Variants in RIC1 observed in about 807,000 individuals in gnomAD.
The protein encoded by RIC1 is guanine nucleotide exchange factor subunit RIC1.
A neutral mutation model predicts 169.0 loss-of-function variants in RIC1; 88 were observed. The observed-to-expected ratio is 0.52, with a 90% CI of 0.44 to 0.62. The LOEUF (loss-of-function observed/expected upper bound fraction) is 0.62. Ranked by LOEUF, RIC1 falls within the 20% of genes least tolerant of loss-of-function variation. The probability of loss-of-function intolerance (pLI) is 0.00; values close to 1 mark genes in which losing one functional copy is unlikely to be tolerated. For missense variants in RIC1, 1,877 were observed against 1,725.5 expected (o/e 1.09, Z -1.56); for synonymous variants, 790 against 601.5 (o/e 1.31, Z -4.59).
At chr9:5,698,356 A>C (rs1387801624) in intron 3 of RIC1, among the ~76,000 whole-genome samples, 1 of 152,204 alleles carries the variant, frequency 6.6e-6, no homozygotes, top group Non-Finnish European at 1.5e-5. Flanking sequence ...CTCCCCGCTC[A>C]GTGTCCTGGG....
intron 3 of RIC1, among the ~76,000 whole-genome samples, chr9:5,706,031 A>G (rs1822565234): frequency 1.3e-5 from 2 of 152,042 alleles, no homozygotes; most frequent in South Asian, 2.1e-4. Flanking sequence ...TTAATATGCT[A>G]CTGGATCCAG....
intron 2 of RIC1, among the ~76,000 whole-genome samples, chr9:5,671,099 C>G (rs924450184): frequency 3.3e-5 from 5 of 152,032 alleles, no homozygotes; most frequent in African/African-American, 1.2e-4. Context: ...CTTGTGACCT[C>G]TGGAATAATG....
intron 2 of RIC1, among the ~76,000 whole-genome samples, chr9:5,672,781 G>T (rs1245022348): frequency 6.6e-6 from 1 of 152,144 alleles, no homozygotes; most frequent in African/African-American, 2.4e-5. Context: ...CATATCTAGA[G>T]ATAATGTGCA....
intron 2 of RIC1, among the ~76,000 whole-genome samples, chr9:5,682,062 G>C (rs913382653): frequency 1.3e-5 from 2 of 152,172 alleles, no homozygotes; most frequent in Non-Finnish European, 2.9e-5. Context: ...CTCTGCACCT[G>C]AGATGAGTTT....
chr9:5,657,699 A>G (rs1316389538), intron 2 of RIC1, among the ~76,000 whole-genome samples: 1 of 152,146 alleles, frequency 6.6e-6, no homozygotes, highest in African/African-American at 2.4e-5. Context: ...TGAAATGTTC[A>G]TATGATGAAA....
chr9:5,720,508 G>C, intron 5 of RIC1, 106 bp from the exon 6 acceptor site: 1 of 1,234,862 alleles, frequency 8.1e-7, no homozygotes. Context: ...AGGGTTGTTA[G>C]GTCATTATTT....
intron 1 of RIC1, among the ~76,000 whole-genome samples, chr9:5,653,017 T>C (rs1268649094): frequency 6.6e-6 from 1 of 152,248 alleles, no homozygotes; most frequent in East Asian, 1.9e-4. Flanking sequence ...TTGATTTGTC[T>C]GTGCTGAACC....
intron 1 of RIC1, among the ~76,000 whole-genome samples, chr9:5,644,487 T>C (rs1818405142): frequency 6.6e-6 from 1 of 152,228 alleles, no homozygotes; most frequent in Admixed American, 6.5e-5. Flanking sequence ...AATCATCAGC[T>C]AAAGAATGTG....
chr9:5,654,164 A>G (rs1207856037), intron 1 of RIC1, among the ~76,000 whole-genome samples: 1 of 151,728 alleles, frequency 6.6e-6, no homozygotes, highest in Non-Finnish European at 1.5e-5. Flanking sequence ...ATGCCCAGCT[A>G]ATTTTTGTAT....
intron 1 of RIC1, among the ~76,000 whole-genome samples, chr9:5,655,367 C>G (rs1286038587): frequency 2.6e-5 from 4 of 152,064 alleles, no homozygotes; most frequent in Non-Finnish European, 5.9e-5. Context: ...GTCTCACAAT[C>G]TCAGCTCACT....
intron 23 of RIC1, among the ~76,000 whole-genome samples, chr9:5,770,951 G>A (rs541702249): frequency 6.6e-6 from 1 of 152,242 alleles, no homozygotes; most frequent in Admixed American, 6.5e-5. Flanking sequence ...GTCTGAGTTT[G>A]CAGTTTTTTT....
At position 5,642,795 on chromosome 9, in the gene RIC1, G is replaced by A. The variant is rs999568575; in HGVS notation, c.144+13342G>A. 4.3e-5 allele frequency among the ~76,000 whole-genome samples: 5 copies of A among 115,432 alleles called. 2 individuals are homozygous for A. Among genetic ancestry groups the A allele is most frequent in the African/African-American group, 2.6e-4 (5 of 19,218 alleles). The allele number at this position is 115,432 out of a possible 152,430, so 75.7% of individuals were successfully genotyped here. ...TTTATTTGGAGTTTACTGTGGACTAGGTATTTTACATCATAGTAAGCAAAG... is the reference window on the plus strand; with the variant it reads ...TTTATTTGGAGTTTACTGTGGACTAAGTATTTTACATCATAGTAAGCAAAG... On this transcript the variant is annotated intron_variant, in intron 1 of 25. Coordinates refer to ENST00000414202, the MANE Select transcript of RIC1 (RefSeq NM_020829.4).
intron 2 of RIC1, among the ~76,000 whole-genome samples, chr9:5,673,175 A>G (rs1035459573): frequency 2.6e-5 from 4 of 152,072 alleles, no homozygotes; most frequent in Non-Finnish European, 2.9e-5. Context: ...CTTAGGGACA[A>G]TTATTATCTG....
chr9:5,655,925 G>T (rs1355876869), intron 1 of RIC1, among the ~76,000 whole-genome samples: 1 of 152,048 alleles, frequency 6.6e-6, no homozygotes, highest in Admixed American at 6.5e-5. Context: ...GGAGTGCAGT[G>T]TTGTTGTGAT....
rs1826005549 is a variant in RIC1 at position 5,756,242 on chromosome 9, G to T, written c.1723G>T (p.Asp575Tyr). 1 of 1,594,498 alleles carries T rather than the reference G, an allele frequency of 6.3e-7. No individual in the cohort carries two copies. Among genetic ancestry groups the T allele is most frequent in the African/African-American group, 1.3e-5 (1 of 74,308 alleles). ...LRVYLRTSNL[D>Y]NAFAHVTKAQ... ...AGTATACTTGCGAACATCAAATCTG[G>T]ACAATGCCTTTGCTCATGTCACCAA... is the stretch of plus-strand genomic sequence containing the variant. The change falls in exon 16 of 26, where the codon GAC becomes TAC. Residue 575 changes from aspartate to tyrosine, a missense_variant. By Grantham distance (160) the Asp-to-Tyr change is radical (BLOSUM62 -3). This residue lies in a region of RIC1 where 1,104 missense variants were observed against 992.0 expected (regional missense o/e 1.11). Transcript: ENST00000414202.
intron 3 of RIC1, among the ~76,000 whole-genome samples, chr9:5,705,396 TTTA>T (rs1226435213): frequency 6.6e-6 from 1 of 152,096 alleles, no homozygotes; most frequent in Non-Finnish European, 1.5e-5. Context: ...TCCCAAGTAT[TTTA>T]TTCCTTTTTG....
chr9:5,678,075 C>A (rs1351588355), intron 2 of RIC1, among the ~76,000 whole-genome samples: 1 of 151,748 alleles, frequency 6.6e-6, no homozygotes, highest in East Asian at 1.9e-4. Context: ...TCAATTCCCA[C>A]CTATGAGTGA....
chr9:5,694,716 C>T (rs781318077), intron 3 of RIC1, among the ~76,000 whole-genome samples: 3 of 151,906 alleles, frequency 2.0e-5, no homozygotes, highest in Non-Finnish European at 2.9e-5. Context: ...ATCAGAGAGC[C>T]CTGCACATTG....
At chr9:5,630,702 AAT>A (rs1213544707) in intron 1 of RIC1, among the ~76,000 whole-genome samples, 1 of 152,260 alleles carries the variant, frequency 6.6e-6, no homozygotes, top group Non-Finnish European at 1.5e-5. Flanking sequence ...TAATACCAAC[AAT>A]ATGACTATTT....
Sources: allele counts gnomAD v4.1 joint callset (sites outside exome capture counted in the v4.1 genomes callset), GRCh38; gene constraint gnomAD v4.1.1; regional missense constraint gnomAD v4.1.1; transcripts MANE v1.5; gene names NCBI Gene and HGNC (gene_info 2026-07-23, HGNC 2026-07-21).